Variants in MICAL2 observed in about 807,000 individuals in gnomAD.
MICAL2 encodes microtubule associated monooxygenase, calponin and LIM domain containing 2, also known as [F-actin]-monooxygenase MICAL2.
MICAL2 carries 77 observed loss-of-function variants against 127.3 expected under a neutral mutation model. The observed-to-expected ratio is 0.60, with a 90% CI of 0.50 to 0.73. The LOEUF (loss-of-function observed/expected upper bound fraction) is 0.73. MICAL2 is among the 30% of genes least tolerant of loss of function. The probability of loss-of-function intolerance (pLI) is 0.00; values close to 1 mark genes in which losing one functional copy is unlikely to be tolerated. For missense variants in MICAL2, 1,351 were observed against 1,434.4 expected (o/e 0.94, Z 0.94); for synonymous variants, 570 against 551.1 (o/e 1.03, Z -0.48).
At chr11:12,136,262 A>T (rs1036753343) in intron 1 of MICAL2, among the ~76,000 whole-genome samples, 1 of 152,168 alleles carries the variant, frequency 6.6e-6, no homozygotes, top group African/African-American at 2.4e-5. Context: ...ATATAGTGTC[A>T]GGGAGTGAGC....
intron 1 of MICAL2, among the ~76,000 whole-genome samples, chr11:12,117,924 C>T (rs115284363): frequency 1.3e-5 from 2 of 152,248 alleles, no homozygotes. Context: ...ATTCACTCAG[C>T]CTTTTTCTTC....
intron 32 of MICAL2, among the ~76,000 whole-genome samples, chr11:12,339,560 TTCC>T (rs1938824500): frequency 6.6e-6 from 1 of 152,214 alleles, no homozygotes; most frequent in Non-Finnish European, 1.5e-5. Flanking sequence ...GCTCTGTTTT[TTCC>T]CCATCTTTGT....
At chr11:12,323,968 G>A in intron 30 of MICAL2, 1 of 1,593,744 alleles carries the variant, frequency 6.3e-7, no homozygotes, top group Non-Finnish European at 8.5e-7. Context: ...TTCTCCATTG[G>A]TTTTCATAGG....
intron 1 of MICAL2, among the ~76,000 whole-genome samples, chr11:12,279,186 A>T (rs893177381): frequency 1.3e-5 from 2 of 152,166 alleles, no homozygotes; most frequent in African/African-American, 2.4e-5. Flanking sequence ...GTGTCTCAAG[A>T]GGGAGGGTTT....
chr11:12,313,405 A>G (rs1864197667), intron 29 of MICAL2, among the ~76,000 whole-genome samples: 1 of 152,136 alleles, frequency 6.6e-6, no homozygotes, highest in Non-Finnish European at 1.5e-5. Context: ...GGAGAAGGTC[A>G]GAGGAAGCTG....
intron 8 of MICAL2, 76 bp downstream of exon 8, chr11:12,216,395 C>A: frequency 1.7e-6 from 2 of 1,148,260 alleles, no homozygotes; most frequent in South Asian, 1.2e-5. Flanking sequence ...AGGCAGATGT[C>A]GTCCTGCCAG....
intron 30 of MICAL2, among the ~76,000 whole-genome samples, chr11:12,321,195 T>C (rs1449438088): frequency 6.6e-6 from 1 of 152,100 alleles, no homozygotes; most frequent in Non-Finnish European, 1.5e-5. Flanking sequence ...TGCCAGGTGG[T>C]AAAGCATGCC....
chr11:12,205,598 C>G (rs1854577477), intron 4 of MICAL2, among the ~76,000 whole-genome samples: 1 of 152,152 alleles, frequency 6.6e-6, no homozygotes, highest in Non-Finnish European at 1.5e-5. Context: ...AGAGTTTGAA[C>G]AGATTTGGGT....
At chr11:12,329,539 C>T (rs997012970) in intron 32 of MICAL2, among the ~76,000 whole-genome samples, 1 of 152,170 alleles carries the variant, frequency 6.6e-6, no homozygotes, top group Non-Finnish European at 1.5e-5. Context: ...AATTCTATTC[C>T]ACTCCGCTTA....
chr11:12,294,615 C>T (rs1863955044), downstream of MICAL2: 1 of 1,614,098 alleles, frequency 6.2e-7, no homozygotes, highest in African/African-American at 1.3e-5. Flanking sequence ...AAAAGAATCT[C>T]ACTTTTTTCC....
At chr11:12,337,904 G>A (rs1167193842) in intron 32 of MICAL2, among the ~76,000 whole-genome samples, 2 of 152,198 alleles carry the variant, frequency 1.3e-5, no homozygotes, top group African/African-American at 2.4e-5. Flanking sequence ...TAGGTGTGGT[G>A]TGGTGCTGAA....
intron 29 of MICAL2, chr11:12,303,566 G>A (rs1171237019): frequency 6.6e-6 from 1 of 152,198 alleles, no homozygotes; most frequent in African/African-American, 2.4e-5. Flanking sequence ...TGAAGACTTA[G>A]TATGAATGAA....
chr11:12,356,549 C>T (rs942722110), intron 34 of MICAL2, among the ~76,000 whole-genome samples: 12 of 152,190 alleles, frequency 7.9e-5, no homozygotes, highest in Non-Finnish European at 7.3e-5. Flanking sequence ...CTGCAACTCT[C>T]TCTGGTGGCA....
At chr11:12,183,702 G>A (rs111732851) in intron 3 of MICAL2, among the ~76,000 whole-genome samples, 147 of 152,330 alleles carry the variant, frequency 9.7e-4, no homozygotes, top group African/African-American at 3.5e-3. Flanking sequence ...AGAGTGAGAC[G>A]GTGGTGTGGC....
downstream of MICAL2, among the ~76,000 whole-genome samples, chr11:12,360,119 T>TAAAA (rs369069433): frequency 0.024 from 3,445 of 144,880 alleles, 119 homozygotes; most frequent in African/African-American, 0.083. Context: ...TTTTTTTTTT[T>TAAAA]AAAAAAAAAA....
intron 24 of MICAL2, among the ~76,000 whole-genome samples, chr11:12,257,614 C>T (rs1475461795): frequency 6.6e-6 from 1 of 152,148 alleles, no homozygotes; most frequent in Non-Finnish European, 1.5e-5. Flanking sequence ...AAGCATGGAA[C>T]CTTGGGCTTG....
In MICAL2 at chr11:12,201,077, C is replaced by T. The variant is rs117195299; in HGVS notation, c.265-3173C>T. On this transcript the variant is annotated intron_variant, in intron 3 of 27. Coordinates refer to ENST00000683283, the MANE Select transcript of MICAL2 (RefSeq NM_001282663.2). Reference sequence around the variant, plus strand: ...TGTCATTGTCTGGCTATGTCCAAGCCAAGGAGCTGTTTGTGGAGTGAGATA... The same window carrying T: ...TGTCATTGTCTGGCTATGTCCAAGCTAAGGAGCTGTTTGTGGAGTGAGATA... 5.3e-3 allele frequency among the ~76,000 whole-genome samples: 803 copies of T among 152,056 alleles called. 15 individuals are homozygous for T. The East Asian group carries it at 0.064, about 12-fold the overall frequency.
intron 6 of MICAL2, among the ~76,000 whole-genome samples, chr11:12,211,482 C>T (rs1394804322): frequency 1.3e-5 from 2 of 152,194 alleles, no homozygotes; most frequent in African/African-American, 2.4e-5. Flanking sequence ...ACATGGTGAG[C>T]AGATGTGTGG....
At chr11:12,347,488 G>A (rs1366218822) in intron 32 of MICAL2, among the ~76,000 whole-genome samples, 1 of 152,118 alleles carries the variant, frequency 6.6e-6, no homozygotes, top group Non-Finnish European at 1.5e-5. Flanking sequence ...ATAGATAGAT[G>A]TTATTAAGTG....
Sources: allele counts gnomAD v4.1 joint callset (sites outside exome capture counted in the v4.1 genomes callset), GRCh38; gene constraint gnomAD v4.1.1; transcripts MANE v1.5; gene names NCBI Gene and HGNC (gene_info 2026-07-23, HGNC 2026-07-21).